CACNA1S: variants seen among roughly 807,000 people sequenced by gnomAD.
CACNA1S encodes voltage-dependent L-type calcium channel subunit alpha-1S.
A neutral mutation model predicts 207.4 loss-of-function variants in CACNA1S; 126 were observed. That is an observed-to-expected ratio of 0.61 (90% CI 0.53 to 0.70). CACNA1S has a LOEUF of 0.70. Ranked by LOEUF, CACNA1S falls within the 30% of genes least tolerant of loss-of-function variation. CACNA1S has a pLI of 0.00. For synonymous variants in CACNA1S, 960 were observed against 932.7 expected (o/e 1.03, Z -0.53); for missense variants, 2,349 against 2,422.8 (o/e 0.97, Z 0.64).
intron 38 of CACNA1S, among the ~76,000 whole-genome samples, chr1:201,045,881 A>G (rs1419743569): frequency 6.6e-6 from 1 of 152,312 alleles, no homozygotes; most frequent in Admixed American, 6.5e-5. Context: ...AATATGCATT[A>G]AAGTGTTTTT....
At chr1:201,088,576 TC>T (rs1392037259) in intron 6 of CACNA1S, among the ~76,000 whole-genome samples, 3 of 152,230 alleles carry the variant, frequency 2.0e-5, no homozygotes, top group Non-Finnish European at 2.9e-5. Flanking sequence ...GCCAGGGGGA[TC>T]AGAGTTCGAT....
chr1:201,074,399 A>G, intron 14 of CACNA1S, 107 bp downstream of exon 14: 2 of 748,792 alleles, frequency 2.7e-6, no homozygotes, highest in East Asian at 2.7e-5. Context: ...GGGTGTCACC[A>G]TGTCAGGGAC....
At chr1:201,059,642 G>A (rs535514693) in intron 26 of CACNA1S, among the ~76,000 whole-genome samples, 10 of 152,312 alleles carry the variant, frequency 6.6e-5, no homozygotes, top group East Asian at 3.9e-4. Context: ...ATGGCAGGTC[G>A]TCCAGGCAGG....
intron 19 of CACNA1S, among the ~76,000 whole-genome samples, chr1:201,068,305 T>C (rs1464374611): frequency 2.2e-5 from 3 of 136,170 alleles, no homozygotes; most frequent in Admixed American, 8.2e-5. Flanking sequence ...TGCAGTGGCA[T>C]GATCTCAGCT....
At chr1:201,085,085 C>T (rs1400550551) in intron 8 of CACNA1S, 54 bp from the exon 9 acceptor site, 10 of 1,269,146 alleles carry the variant, frequency 7.9e-6, no homozygotes, top group Non-Finnish European at 9.1e-6. Flanking sequence ...CTGGGCTGGA[C>T]ACACCTGGAC....
At chr1:201,054,688 G>A in intron 28 of CACNA1S, 127 bp from the exon 29 acceptor site, 1 of 646,444 alleles carries the variant, frequency 1.5e-6, no homozygotes, top group South Asian at 1.6e-5. Context: ...AAAAGAGGCA[G>A]GGGCTAAAGA....
intron 22 of CACNA1S, 101 bp from the exon 23 acceptor site, chr1:201,062,615 G>C: frequency 2.9e-6 from 3 of 1,026,444 alleles, no homozygotes; most frequent in Non-Finnish European, 4.5e-6. Context: ...GGGAGGGAAG[G>C]CAGGCATCTG....
At chr1:201,054,607 G>A (rs1325992659) in intron 28 of CACNA1S, 46 bp from the exon 29 acceptor site, 1 of 1,524,028 alleles carries the variant, frequency 6.6e-7, no homozygotes. Flanking sequence ...GGAGAGAGAG[G>A]AGGAGGGACA....
intron 25 of CACNA1S, among the ~76,000 whole-genome samples, 178 bp downstream of exon 25, chr1:201,061,089 C>T (rs1374082952): frequency 6.6e-6 from 1 of 152,216 alleles, no homozygotes; most frequent in Non-Finnish European, 1.5e-5. Flanking sequence ...ACCCACTCTA[C>T]CAACTTGTAT....
In CACNA1S at chr1:201,075,559, G is replaced by A. The variant is rs200743095; in HGVS notation, c.1884C>T (p.Gly628=). Residue 628 remains glycine (G), a synonymous_variant, in exon 13 of 44, where the codon GGC becomes GGT. Coordinates refer to ENST00000362061, the MANE Select transcript of CACNA1S (RefSeq NM_000069.3). ...CAAGCATGCCAGGGTAGGACGGCCCGCCGTAGGCCATGATCCCATTGTACA... is the reference window on the plus strand; with the variant it reads ...CAAGCATGCCAGGGTAGGACGGCCCACCGTAGGCCATGATCCCATTGTACA... ...SMMYNGIMAY[G]GPSYPGMLVC... The A allele has an allele frequency of 5.6e-5, 90 of 1,613,564 alleles. No homozygotes were observed. The highest frequency in any genetic ancestry group is 2.7e-4 in the East Asian group (12 of 44,842).
intron 2 of CACNA1S, among the ~76,000 whole-genome samples, chr1:201,098,606 A>G (rs989434338): frequency 6.6e-6 from 1 of 152,208 alleles, no homozygotes; most frequent in African/African-American, 2.4e-5. Flanking sequence ...CTCTCAGGCT[A>G]TGTTTGTTGA....
intron 5 of CACNA1S, among the ~76,000 whole-genome samples, chr1:201,089,702 C>T (rs1191007621): frequency 2.0e-5 from 3 of 152,170 alleles, no homozygotes; most frequent in Non-Finnish European, 4.4e-5. Context: ...ATGGCAGGGT[C>T]GGCTTCTAGG....
intron 2 of CACNA1S, among the ~76,000 whole-genome samples, chr1:201,102,300 A>G (rs955186841): frequency 2.6e-5 from 4 of 152,130 alleles, no homozygotes; most frequent in Admixed American, 6.6e-5. Context: ...TTCAAGGTGA[A>G]TAGGTCACAG....
chr1:201,045,250 G>A (rs997250363), intron 38 of CACNA1S, among the ~76,000 whole-genome samples: 6 of 152,250 alleles, frequency 3.9e-5, no homozygotes, highest in Admixed American at 6.5e-5. Flanking sequence ...CCAACTGAGG[G>A]ACATACTGAC....
intron 2 of CACNA1S, among the ~76,000 whole-genome samples, chr1:201,094,317 GTCT>G (rs2102168105): frequency 6.6e-6 from 1 of 152,058 alleles, no homozygotes; most frequent in South Asian, 2.1e-4. Flanking sequence ...GCTTAATTTG[GTCT>G]TCTTAGCACT....
chr1:201,093,046 A>G (rs775646479), intron 3 of CACNA1S, among the ~76,000 whole-genome samples: 4 of 152,248 alleles, frequency 2.6e-5, no homozygotes, highest in Non-Finnish European at 2.9e-5. Flanking sequence ...GTGAGAGGGT[A>G]CATGTAAGCA....
intron 2 of CACNA1S, among the ~76,000 whole-genome samples, chr1:201,096,856 T>C (rs1182900693): frequency 6.6e-6 from 1 of 152,220 alleles, no homozygotes; most frequent in Non-Finnish European, 1.5e-5. Context: ...TTCTATTGGT[T>C]TCCATTATGT....
intron 31 of CACNA1S, among the ~76,000 whole-genome samples, chr1:201,053,000 A>G (rs1017374752): frequency 2.0e-5 from 3 of 151,900 alleles, no homozygotes; most frequent in African/African-American, 7.3e-5. Flanking sequence ...CTGTCCACCC[A>G]CATGCCCAGG....
chr1:201,063,446 T>C (rs1315260577), intron 22 of CACNA1S, among the ~76,000 whole-genome samples: 1 of 152,094 alleles, frequency 6.6e-6, no homozygotes, highest in Non-Finnish European at 1.5e-5. Flanking sequence ...TGTGCCATCA[T>C]GCCCAGCTAA....
Sources: gnomAD v4.1 joint callset for allele counts (sites outside exome capture counted in the v4.1 genomes callset) on GRCh38, gnomAD v4.1.1 for gene constraint, MANE v1.5 for transcripts, NCBI Gene and HGNC (gene_info 2026-07-23, HGNC 2026-07-21) for gene names.